BIRC6: variants seen among roughly 807,000 people sequenced by gnomAD.
BIRC6 encodes baculoviral IAP repeat containing 6.
BIRC6 carries 98 observed loss-of-function variants against 503.3 expected under a neutral mutation model. That is an observed-to-expected ratio of 0.19 (90% CI 0.17 to 0.23). The LOEUF is 0.23. Ranked by LOEUF, BIRC6 falls within the 10% of genes least tolerant of loss-of-function variation. The probability of loss-of-function intolerance (pLI) is 1.00; values close to 1 mark genes in which losing one functional copy is unlikely to be tolerated. For missense variants in BIRC6, 5,360 were observed against 5,806.0 expected, an observed-to-expected ratio of 0.92 and a Z score of 2.50; for synonymous variants, 2,240 against 2,078.7, an observed-to-expected ratio of 1.08 and a Z score of -2.11.
chr2:32,616,778 A>G (rs181023950), intron 73 of BIRC6, among the ~76,000 whole-genome samples: 44 of 152,226 alleles, frequency 2.9e-4, no homozygotes, highest in Admixed American at 2.6e-4. Flanking sequence ...GTCAGCATGT[A>G]TGACAAATCA....
At position 32,486,248 on chromosome 2, in the gene BIRC6, C is replaced by T. The variant is rs951074464; in HGVS notation, c.7813+489C>T. On this transcript the variant is annotated intron_variant, in intron 40 of 73. Transcript: ENST00000421745. ...CTAATAACCTACAGAAAAGAAAGGC[C>T]AACTTTTTCGTAAAGGACTAATAGT... is the stretch of plus-strand genomic sequence containing the variant. 6.6e-5 allele frequency among the ~76,000 whole-genome samples: 10 copies of T among 152,180 alleles called. 2 individuals carry two copies. Among genetic ancestry groups the T allele is most frequent in the Middle Eastern group, 3.4e-3 (1 of 294 alleles).
At chr2:32,454,033 T>TTTA in intron 23 of BIRC6, 91 bp downstream of exon 23, 2 of 1,078,228 alleles carry the variant, frequency 1.9e-6, no homozygotes, top group Non-Finnish European at 2.5e-6. Context: ...TCTAATTATG[T>TTTA]AATTTTCATT....
intron 46 of BIRC6, among the ~76,000 whole-genome samples, chr2:32,500,606 G>GTTTTT (rs758919928): frequency 1.9e-4 from 22 of 118,286 alleles, no homozygotes; most frequent in Admixed American, 3.8e-4. Flanking sequence ...TTTTGTTTTT[G>GTTTTT]TTTTTTTTTT....
chr2:32,515,422 T>C lies in BIRC6; in HGVS notation c.11001T>C (p.His3667=). The C allele has an allele frequency of 6.2e-7, 1 of 1,613,080 alleles. No individual in the cohort carries two copies. The highest frequency in any genetic ancestry group is 8.5e-7 in the Non-Finnish European group (1 of 1,179,852). ...TTTCCCAGGACAAACTCAGGCGCCA[T>C]CATGTCCCACAACAATGTAATAAGA... The part of the protein sequence containing the change: ...IDISQDKLRR[H]HVPQQCNKMP... The change falls in exon 55 of 74, where the codon CAT becomes CAC. Residue 3667 remains histidine (H), a synonymous_variant. Transcript: ENST00000421745.
chr2:32,404,692 T>C (rs958066869), intron 8 of BIRC6, among the ~76,000 whole-genome samples: 17 of 151,816 alleles, frequency 1.1e-4, no homozygotes, highest in African/African-American at 4.1e-4. Flanking sequence ...TTTTTTTTTT[T>C]CTCTTGAAAC....
chr2:32,548,365 C>CTTTTTTTTTTTTTTT (rs1202755440), intron 64 of BIRC6, among the ~76,000 whole-genome samples: 6 of 73,350 alleles, frequency 8.2e-5, no homozygotes, highest in Non-Finnish European at 1.0e-4. Flanking sequence ...TGGTTGCTTA[C>CTTTTTTTTTTTTTTT]TTTTTTTTTT....
intron 54 of BIRC6, 54 bp from the exon 55 acceptor site, chr2:32,514,936 A>C (rs998453882): frequency 5.1e-5 from 69 of 1,351,962 alleles, no homozygotes; most frequent in Non-Finnish European, 6.8e-5. Flanking sequence ...TATTTGAAAT[A>C]GTTTCTTCTA....
intron 63 of BIRC6, among the ~76,000 whole-genome samples, chr2:32,547,376 C>T (rs575630741): frequency 6.6e-6 from 1 of 152,232 alleles, no homozygotes; most frequent in East Asian, 1.9e-4. Flanking sequence ...TACCCCTTCC[C>T]CCAGCCCCTG....
chr2:32,385,134 G>GA (rs2038250900), intron 3 of BIRC6, among the ~76,000 whole-genome samples: 3 of 152,168 alleles, frequency 2.0e-5, no homozygotes, highest in Non-Finnish European at 4.4e-5. Context: ...CACTCTCCTT[G>GA]TGATTGGGGC....
In BIRC6 at chr2:32,448,819, T is replaced by G. The variant is rs759306889; in HGVS notation, c.4509T>G (p.Phe1503Leu). 15 of 1,612,590 alleles carry G rather than the reference T, an allele frequency of 9.3e-6. No homozygotes were observed. Among genetic ancestry groups the G allele is most frequent in the Non-Finnish European group, 1.0e-5 (12 of 1,179,412 alleles). Residue 1503 changes from phenylalanine (F) to leucine (L), a missense_variant, in exon 22 of 74, where the codon TTT (phenylalanine) becomes TTG (leucine). By Grantham distance (22) the Phe-to-Leu change is conservative. This residue lies in a region of BIRC6 where 2,299 missense variants were observed against 2,267.2 expected (regional missense o/e 1.01). Transcript: ENST00000421745. Reference sequence around the variant, plus strand: ...GATATGGATTATATAGCTCACCATTTGATCCAGTCCTCTTTGATTTGGAGA... The same window carrying G: ...GATATGGATTATATAGCTCACCATTGGATCCAGTCCTCTTTGATTTGGAGA... Reference protein sequence around the residue: ...QTRYGLYSSPFDPVLFDLEMS... With the variant: ...QTRYGLYSSPLDPVLFDLEMS...
rs938727078 is a variant in BIRC6 at position 32,541,285 on chromosome 2, A to G, written c.12292-1956A>G. The stretch of plus-strand genomic sequence containing the variant: ...GAAGTGAAAAGTGCCTCAAATTCCT[A>G]TGTTCTTACAATTAGGCTATTTCAT... On this transcript the variant is annotated intron_variant, in intron 61 of 73. Coordinates refer to ENST00000421745, the MANE Select transcript of BIRC6 (RefSeq NM_016252.4). 3.9e-5 allele frequency among the ~76,000 whole-genome samples: 6 copies of G among 152,060 alleles called. No homozygotes were observed. The South Asian group carries it at 6.2e-4, about 16-fold the overall frequency.
chr2:32,501,752 A>C lies in BIRC6; in HGVS notation c.9071A>C (p.His3024Pro), dbSNP rs971914992. The change falls in exon 47 of 74, where the codon CAT becomes CCT. Residue 3024 changes from histidine (H) to proline (P), a missense_variant. This residue lies in a region of BIRC6 where 267 missense variants were observed against 287.6 expected (regional missense o/e 0.93). Transcript: ENST00000421745. ...CATCTCACTAAACATGAAAACTTTC[A>C]TGGTGGGTTGGATGCCATATCAGTT... ...GLHLTKHENF[H>P]GGLDAISVGD... The C allele has an allele frequency of 2.7e-5, 44 of 1,612,632 alleles. No homozygotes were observed. The highest frequency in any genetic ancestry group is 3.6e-5 in the Non-Finnish European group (42 of 1,179,640).
At chr2:32,552,092 G>A (rs907048792) in intron 65 of BIRC6, among the ~76,000 whole-genome samples, 4 of 152,106 alleles carry the variant, frequency 2.6e-5, no homozygotes, top group African/African-American at 9.7e-5. Context: ...AGAAAATATA[G>A]GAACACACTA....
chr2:32,357,093 C>G lies in BIRC6; in HGVS notation c.-69C>G, dbSNP rs1441115285. On this transcript the variant is annotated 5_prime_UTR_variant, in exon 1 of 74. Transcript: ENST00000421745. The surrounding 1 kb of genome is among the most constrained non-coding windows in gnomAD (Gnocchi z 4.9). ...TTGGCCCCTCCGGCCGGGCGATCGACGTTCCGCGTGCGTGCGGGCGCCTGA... is the reference window on the plus strand; with the variant it reads ...TTGGCCCCTCCGGCCGGGCGATCGAGGTTCCGCGTGCGTGCGGGCGCCTGA... The G allele has an allele frequency of 7.6e-7, 1 of 1,322,616 alleles. No homozygotes were observed. The highest frequency in any genetic ancestry group is 1.6e-5 in the African/African-American group (1 of 64,164). 81.9% of individuals were successfully genotyped at this position (1,322,616 alleles called of 1,614,324 possible). A position where few individuals can be genotyped will look rare whatever the true frequency, so the allele number is the denominator to read the frequency against.
At position 32,505,204 on chromosome 2, in the gene BIRC6, AAGTG is replaced by A; in HGVS notation, c.9700+3_9700+6del. 1 of 1,555,008 alleles carries A rather than the reference AAGTG, an allele frequency of 6.4e-7. No homozygotes were observed. Among genetic ancestry groups the A allele is most frequent in the Non-Finnish European group, 8.7e-7 (1 of 1,146,136 alleles). ...TCCAGCCTCATCTTGCATCTCTTGC[AAGTG>A]AGTAATATTTTATAAAGAAGCATCA... On this transcript the variant is annotated splice_donor_variant and splice_donor_region_variant and coding_sequence_variant and intron_variant, in exon 50 of 74. Coordinates refer to ENST00000421745, the MANE Select transcript of BIRC6 (RefSeq NM_016252.4). LOFTEE classifies it high-confidence loss of function.
Position 32,444,859 on chromosome 2 carries a change from A to C in BIRC6, c.4337-662A>C, listed in dbSNP as rs560693815. On this transcript the variant is annotated intron_variant, in intron 20 of 73. Transcript: ENST00000421745. ...TGAACATATTTTGGCTACAACCATT[A>C]ACTCTATGGAATAGAACATTTTGAC... Among the ~76,000 whole-genome samples the C allele has an allele frequency of 2.6e-5, 4 of 152,344 alleles. No homozygotes were observed. In the East Asian group the frequency reaches 5.8e-4, roughly 22 times the overall value.
At chr2:32,411,399 TTA>T (rs71991258) in intron 9 of BIRC6, among the ~76,000 whole-genome samples, 86,565 of 140,602 alleles carry the variant, frequency 0.62, 26,875 homozygotes, top group African/African-American at 0.71. Context: ...ATTAAGGCAA[TTA>T]TATATATATA....
intron 15 of BIRC6, 138 bp from the exon 16 acceptor site, chr2:32,439,370 C>A: frequency 1.2e-6 from 1 of 832,682 alleles, no homozygotes; most frequent in Non-Finnish European, 1.8e-6. Context: ...CTTTCTTCTG[C>A]TCAAACAGTA....
At chr2:32,543,623 A>G (rs1225229580) in intron 62 of BIRC6, 82 bp downstream of exon 62, 3 of 1,338,838 alleles carry the variant, frequency 2.2e-6, no homozygotes, top group Admixed American at 2.1e-5. Context: ...ATTATTCATC[A>G]TTTATTTCCT....
Sources: gnomAD v4.1 joint callset for allele counts (sites outside exome capture counted in the v4.1 genomes callset) on GRCh38, gnomAD v4.1.1 for gene constraint, gnomAD v4.1.1 regional missense constraint, Gnocchi (gnomAD v3.1) non-coding constraint, MANE v1.5 for transcripts, NCBI Gene and HGNC (gene_info 2026-07-23, HGNC 2026-07-21) for gene names.